ANK3: variants seen among roughly 807,000 people sequenced by gnomAD.
ANK3 encodes the protein ankyrin-3.
A neutral mutation model predicts 370.9 loss-of-function variants in ANK3; 57 were observed. The observed-to-expected ratio is 0.15, with a 90% CI of 0.12 to 0.19. The LOEUF is 0.19. ANK3 is among the 10% of genes least tolerant of loss of function. ANK3 has a pLI of 1.00. For missense variants in ANK3, 4,439 were observed against 5,302.1 expected (o/e 0.84, Z 5.06); for synonymous variants, 1,929 against 1,946.3 (o/e 0.99, Z 0.23).
At chr10:60,101,268 G>A (rs1231227284) in intron 28 of ANK3, among the ~76,000 whole-genome samples, 2 of 152,274 alleles carry the variant, frequency 1.3e-5, no homozygotes, top group South Asian at 2.1e-4. Context: ...GTATGGGACA[G>A]GGCAGGACTA....
chr10:60,439,290 T>C (rs2064234264), intron 2 of ANK3, among the ~76,000 whole-genome samples: 2 of 152,146 alleles, frequency 1.3e-5, no homozygotes, highest in South Asian at 4.1e-4. Flanking sequence ...GAAGGGAATA[T>C]CTTATTTATC....
At chr10:60,637,364 C>T (rs1364717928) in intron 1 of ANK3, among the ~76,000 whole-genome samples, 1 of 152,178 alleles carries the variant, frequency 6.6e-6, no homozygotes. Context: ...GCATTTGATA[C>T]ACATTCACTT....
chr10:60,068,876 C>T lies in ANK3; in HGVS notation c.12005G>A (p.Gly4002Glu). The T allele has an allele frequency of 1.9e-6, 3 of 1,614,094 alleles. No homozygotes were observed. Among genetic ancestry groups the T allele is most frequent in the East Asian group, 2.2e-5 (1 of 44,870 alleles). ...VCKHSIEYFK[G>E]ISGETLKLVD... The stretch of plus-strand genomic sequence containing the variant: ...AAGCTTTAAGGTCTCACCACTAATT[C>T]CCTTAAAATATTCAATGGAATGTTT... Residue 4002 changes from glycine to glutamate, a missense_variant, in exon 37 of 44, where the codon GGA becomes GAA. Physicochemically the swap from Gly to Glu is moderately conservative, Grantham distance 98. Coordinates refer to ENST00000280772, the MANE Select transcript of ANK3 (RefSeq NM_020987.5).
chr10:60,722,704 C>A (rs1228762278), intron 1 of ANK3, among the ~76,000 whole-genome samples: 1 of 152,070 alleles, frequency 6.6e-6, no homozygotes. Flanking sequence ...GGGGGCAGAT[C>A]CCTCATGAAG....
Position 60,389,456 on chromosome 10 carries a change from T to G in ANK3, c.83A>C (p.His28Pro). The change falls in exon 1 of 44, where the codon CAC becomes CCC. Residue 28 changes from histidine (H) to proline (P), a missense_variant. His to Pro is a moderately conservative substitution (Grantham distance 77, BLOSUM62 -2). Around this residue, in one of 13 missense-constraint regions of ANK3, gnomAD observed 54 missense variants for 52.7 expected, o/e 1.02. Transcript: ENST00000280772. ...AEEEPEKKRK[H>P]RKRSRDRKKK... ...CTTCCGATCCCGGGACCGTTTGCGG[T>G]GTTTCCTTTTTTTCTCAGGCTCTTC... The G allele has an allele frequency of 6.2e-7, 1 of 1,614,024 alleles. No homozygotes were observed. The highest frequency in any genetic ancestry group is 8.5e-7 in the Non-Finnish European group (1 of 1,179,960).
At chr10:60,499,130 G>A (rs1256229783) in intron 2 of ANK3, among the ~76,000 whole-genome samples, 2 of 152,056 alleles carry the variant, frequency 1.3e-5, no homozygotes, top group African/African-American at 4.8e-5. Flanking sequence ...ACACATTCTC[G>A]CCCTCAGAGG....
chr10:60,158,515 T>C (rs1211245644), intron 23 of ANK3, among the ~76,000 whole-genome samples: 1 of 152,106 alleles, frequency 6.6e-6, no homozygotes, highest in Non-Finnish European at 1.5e-5. Flanking sequence ...TCATTTTCTT[T>C]TTGCCTGTTT....
intron 2 of ANK3, among the ~76,000 whole-genome samples, chr10:60,507,077 C>T (rs1469725571): frequency 1.3e-5 from 2 of 151,962 alleles, no homozygotes; most frequent in African/African-American, 4.8e-5. Flanking sequence ...GATGGATATG[C>T]TAATTACCCT....
In ANK3 at chr10:60,073,011, GAGA is replaced by G. The variant is rs1343816586; in HGVS notation, c.7867_7869del (p.Ser2623del). ...TCAGGGCTGCTACTGGTAGGGCTTT[GAGA>G]AGAATATTCTTTGCCATTTTTAGGG... is the stretch of plus-strand genomic sequence containing the variant. On this transcript the variant is annotated inframe_deletion, in exon 37 of 44. Transcript: ENST00000280772. 6.2e-7 allele frequency: 1 copy of G among 1,613,976 alleles called. No homozygotes were observed. The highest frequency in any genetic ancestry group is 2.2e-5 in the East Asian group (1 of 44,888).
chr10:60,579,094 A>G (rs2077716027), intron 2 of ANK3, among the ~76,000 whole-genome samples: 1 of 152,104 alleles, frequency 6.6e-6, no homozygotes, highest in Non-Finnish European at 1.5e-5. Flanking sequence ...TAGGAGGCTG[A>G]GGCAGGCGGA....
chr10:60,246,728 G>A (rs562683840), intron 7 of ANK3, among the ~76,000 whole-genome samples: 1 of 152,268 alleles, frequency 6.6e-6, no homozygotes, highest in East Asian at 1.9e-4. Flanking sequence ...CTGTCAGAGG[G>A]CTCCCTTTGA....
chr10:60,429,751 C>T (rs1036375188), intron 2 of ANK3, among the ~76,000 whole-genome samples: 36 of 152,258 alleles, frequency 2.4e-4, no homozygotes, highest in African/African-American at 7.5e-4. Context: ...TTTCATCACA[C>T]GAGTGCTGGA....
chr10:60,055,187 T>G (rs1289400849), intron 42 of ANK3, among the ~76,000 whole-genome samples: 1 of 152,172 alleles, frequency 6.6e-6, no homozygotes, highest in African/African-American at 2.4e-5. Context: ...AAACACGCTT[T>G]CAGACAACAG....
At chr10:60,673,475 C>G (rs900446813) in intron 1 of ANK3, among the ~76,000 whole-genome samples, 2 of 152,088 alleles carry the variant, frequency 1.3e-5, no homozygotes, top group Non-Finnish European at 2.9e-5. Context: ...CTCAGCCTCC[C>G]GAGTAGCTGG....
chr10:60,070,689 C>T lies in ANK3; in HGVS notation c.10192G>A (p.Ala3398Thr). 1 of 1,614,148 alleles carries T rather than the reference C, an allele frequency of 6.2e-7. No individual in the cohort carries two copies. The highest frequency in any genetic ancestry group is 8.5e-7 in the Non-Finnish European group (1 of 1,180,008). The change falls in exon 37 of 44, where the codon GCC becomes ACC. Residue 3398 changes from alanine (A) to threonine (T), a missense_variant. This residue lies in a region of ANK3 where 1,601 missense variants were observed against 1,731.7 expected (regional missense o/e 0.92). Coordinates refer to ENST00000280772, the MANE Select transcript of ANK3 (RefSeq NM_020987.5). The surrounding 1 kb of genome is among the most constrained non-coding windows in gnomAD (Gnocchi z 5.7). Reference sequence around the variant, plus strand: ...TCATGAGAAAACTCTGCTGTGGTGGCAATGGAACACTCTGTGATGGACTGG... The same window carrying T: ...TCATGAGAAAACTCTGCTGTGGTGGTAATGGAACACTCTGTGATGGACTGG... ...NDQSITECSI[A>T]TTAEFSHDTD...
Position 60,028,825 on chromosome 10 carries a change from C to G in ANK3, c.*1021G>C, listed in dbSNP as rs1436122646. On this transcript the variant is annotated 3_prime_UTR_variant, in exon 44 of 44. Coordinates refer to ENST00000280772, the MANE Select transcript of ANK3 (RefSeq NM_020987.5). The stretch of plus-strand genomic sequence containing the variant: ...CTTTTAAGCACTAACAGATAGCATC[C>G]CCCCACCCCCTAAAGCAACTACCGT... 1 of 151,920 alleles carries G rather than the reference C, an allele frequency of 6.6e-6. No homozygotes were observed. Among genetic ancestry groups the G allele is most frequent in the African/African-American group, 2.4e-5 (1 of 41,188 alleles). 9.4% of individuals were successfully genotyped at this position (151,920 alleles called of 1,614,324 possible). A position where few individuals can be genotyped will look rare whatever the true frequency, so the allele number is the denominator to read the frequency against.
chr10:60,607,851 A>G (rs2133313236), intron 2 of ANK3, among the ~76,000 whole-genome samples: 1 of 152,278 alleles, frequency 6.6e-6, no homozygotes, highest in South Asian at 2.1e-4. Context: ...AAAACCAGAG[A>G]ATGGTCACAG....
chr10:60,484,922 G>A (rs1021921127), intron 2 of ANK3, among the ~76,000 whole-genome samples: 1 of 152,004 alleles, frequency 6.6e-6, no homozygotes, highest in African/African-American at 2.4e-5. Context: ...GTGTGTCTGT[G>A]TATTTTGGCG....
In ANK3 at chr10:60,069,951, C is replaced by T; in HGVS notation, c.10930G>A (p.Gly3644Arg). Reference sequence around the variant, plus strand: ...CTTTTATCCCCTTCCCCCTGGTCCCCTGACTTCCCTTCAGAAGTATGCTCA... The same window carrying T: ...CTTTTATCCCCTTCCCCCTGGTCCCTTGACTTCCCTTCAGAAGTATGCTCA... ...IGEHTSEGKS[G>R]DQGEGDKSMV... The change falls in exon 37 of 44, where the codon GGG becomes AGG. Residue 3644 changes from glycine to arginine, a missense_variant. Transcript: ENST00000280772. The T allele has an allele frequency of 6.2e-7, 1 of 1,614,158 alleles. No homozygotes were observed. The highest frequency in any genetic ancestry group is 8.5e-7 in the Non-Finnish European group (1 of 1,180,024).
Sources: allele counts gnomAD v4.1 joint callset (sites outside exome capture counted in the v4.1 genomes callset), GRCh38; gene constraint gnomAD v4.1.1; regional missense constraint gnomAD v4.1.1; non-coding constraint Gnocchi (gnomAD v3.1); transcripts MANE v1.5; gene names NCBI Gene and HGNC (gene_info 2026-07-23, HGNC 2026-07-21).